Variants in SCTR observed in about 807,000 individuals in gnomAD.
SCTR encodes the protein secretin receptor.
In SCTR, 56 loss-of-function variants were observed where a neutral mutation model predicts 60.8. That is an observed-to-expected ratio of 0.92 (90% CI 0.74 to 1.15). The LOEUF (loss-of-function observed/expected upper bound fraction) is 1.15, where lower values mean the gene tolerates loss of function less well. Among genes scored for constraint, SCTR ranks in the 50% most tolerant of loss-of-function variants. The pLI is 0.00. For missense variants in SCTR, 562 were observed against 550.4 expected, an observed-to-expected ratio of 1.02 and a Z score of -0.21; for synonymous variants, 202 against 217.0, an observed-to-expected ratio of 0.93 and a Z score of 0.61.
chr2:119,514,750 T>C (rs999240143), intron 1 of SCTR, among the ~76,000 whole-genome samples: 5 of 152,074 alleles, frequency 3.3e-5, no homozygotes, highest in African/African-American at 1.2e-4. Flanking sequence ...TGGTGGCGCA[T>C]GCCTGTAATC....
chr2:119,456,266 G>A (rs1244532548), intron 7 of SCTR, among the ~76,000 whole-genome samples: 6 of 151,882 alleles, frequency 4.0e-5, no homozygotes, highest in Admixed American at 3.9e-4. Flanking sequence ...CAACACGTTG[G>A]CCAGGATGGT....
intron 7 of SCTR, among the ~76,000 whole-genome samples, chr2:119,456,338 G>A (rs1306021249): frequency 6.6e-6 from 1 of 152,092 alleles, no homozygotes; most frequent in Non-Finnish European, 1.5e-5. Flanking sequence ...GGGATTACAG[G>A]TGTGAGCCAC....
chr2:119,519,851 G>GAA (rs71297142), intron 1 of SCTR, among the ~76,000 whole-genome samples: 10 of 131,096 alleles, frequency 7.6e-5, no homozygotes, highest in African/African-American at 5.6e-5. Flanking sequence ...GAAAAACAAA[G>GAA]AAAAAAAAAA....
intron 11 of SCTR, among the ~76,000 whole-genome samples, chr2:119,445,973 T>G (rs370707785): frequency 1.3e-5 from 2 of 152,332 alleles, no homozygotes; most frequent in South Asian, 2.1e-4. Flanking sequence ...TGCATTATTT[T>G]TGGAAGGAAA....
At chr2:119,451,321 G>C (rs536589497) in intron 9 of SCTR, among the ~76,000 whole-genome samples, 1 of 152,304 alleles carries the variant, frequency 6.6e-6, no homozygotes, top group Non-Finnish European at 1.5e-5. Flanking sequence ...CATACCCATG[G>C]GCTGGGCTAC....
chr2:119,460,131 G>T (rs1217615892), intron 7 of SCTR, among the ~76,000 whole-genome samples: 3 of 151,432 alleles, frequency 2.0e-5, no homozygotes. Flanking sequence ...AGCAAGCTCT[G>T]CCAGCTCAGG....
chr2:119,473,885 T>A (rs571685023), intron 3 of SCTR, among the ~76,000 whole-genome samples: 1 of 152,286 alleles, frequency 6.6e-6, no homozygotes, highest in Non-Finnish European at 1.5e-5. Flanking sequence ...GGCTGCCCAG[T>A]ACCTGGCCAC....
intron 1 of SCTR, among the ~76,000 whole-genome samples, chr2:119,502,113 G>T (rs1396253983): frequency 4.6e-5 from 7 of 152,046 alleles, no homozygotes; most frequent in Non-Finnish European, 8.8e-5. Flanking sequence ...AAAATTAGTT[G>T]GGTGTGGTGT....
At position 119,494,183 on chromosome 2, in the gene SCTR, T is replaced by C. The variant is rs890275258; in HGVS notation, c.193+245A>G. On this transcript the variant is annotated intron_variant, in intron 2 of 12. Transcript: ENST00000019103. ...CAAGTCAGCATGCAGAAGCTGATGA[T>C]AGGAAAACACCGGCTATGTTTACTT... Among the ~76,000 whole-genome samples, 8 of 152,194 alleles carry C rather than the reference T, an allele frequency of 5.3e-5. No individual in the cohort carries two copies. In the South Asian group the frequency reaches 8.3e-4, roughly 16 times the overall value.
At position 119,441,627 on chromosome 2, in the gene SCTR, T is replaced by C. The variant is rs550878361; in HGVS notation, c.1141-28A>G. ...GCCAGAAGAAGAGAGGTAGCAGGGT[T>C]AGCACAGGTGCTCAGCATGCGGCCT... On this transcript the variant is annotated intron_variant, in intron 11 of 12. Coordinates refer to ENST00000019103, the MANE Select transcript of SCTR (RefSeq NM_002980.3). 4 of 1,609,858 alleles carry C rather than the reference T, an allele frequency of 2.5e-6. No individual in the cohort carries two copies. In the South Asian group the frequency reaches 4.4e-5, roughly 18 times the overall value.
At chr2:119,491,861 G>A (rs1678145674) in intron 2 of SCTR, among the ~76,000 whole-genome samples, 1 of 152,278 alleles carries the variant, frequency 6.6e-6, no homozygotes, top group South Asian at 2.1e-4. Context: ...CTGAGTCATG[G>A]GGACAATGGC....
intron 7 of SCTR, among the ~76,000 whole-genome samples, chr2:119,457,005 T>C (rs1199464163): frequency 6.6e-6 from 1 of 152,218 alleles, no homozygotes; most frequent in Non-Finnish European, 1.5e-5. Flanking sequence ...GCCAACGCGT[T>C]GATTTCAGAC....
intron 1 of SCTR, among the ~76,000 whole-genome samples, chr2:119,521,918 G>A (rs1288462304): frequency 7.2e-5 from 11 of 152,170 alleles, no homozygotes; most frequent in Admixed American, 5.9e-4. Flanking sequence ...AAGGTCTACA[G>A]AAGCCGTAAA....
chr2:119,452,995 T>C (rs1296074900), intron 8 of SCTR, among the ~76,000 whole-genome samples: 1 of 152,156 alleles, frequency 6.6e-6, no homozygotes, highest in Non-Finnish European at 1.5e-5. Flanking sequence ...GTTTCTTCCA[T>C]GGAGCAACAC....
chr2:119,446,448 C>A (rs945293122), intron 11 of SCTR, among the ~76,000 whole-genome samples: 1 of 152,160 alleles, frequency 6.6e-6, no homozygotes, highest in African/African-American at 2.4e-5. Context: ...TGGCCATCCG[C>A]GCTTACGTTA....
Position 119,473,512 on chromosome 2 carries a change from A to T in SCTR, c.346T>A (p.Phe116Ile), listed in dbSNP as rs748655071. The change falls in exon 4 of 13, where the codon TTC becomes ATC. Residue 116 changes from phenylalanine (F) to isoleucine (I), a missense_variant. Transcript: ENST00000019103. ...NCTQDGWSET[F>I]PRPNLACGVN... is the part of the protein sequence containing the mutation. ...CCACAGGCCAGATTAGGCCTGGGGA[A>T]GGTTTCTGACCAGCCATCCTGTGTG... The T allele has an allele frequency of 2.5e-6, 4 of 1,614,090 alleles. No individual in the cohort carries two copies. The Admixed American group carries it at 6.7e-5, about 27-fold the overall frequency.
intron 1 of SCTR, among the ~76,000 whole-genome samples, chr2:119,513,626 A>T (rs1348758578): frequency 1.3e-5 from 2 of 152,218 alleles, no homozygotes; most frequent in Non-Finnish European, 2.9e-5. Context: ...TTAGACCACA[A>T]ACGTTTTGTA....
chr2:119,452,845 G>A (rs142205157), intron 8 of SCTR, among the ~76,000 whole-genome samples: 4 of 152,156 alleles, frequency 2.6e-5, no homozygotes, highest in East Asian at 1.9e-4. Flanking sequence ...TCCCAGGTGC[G>A]TCCCCTGGGC....
intron 1 of SCTR, among the ~76,000 whole-genome samples, chr2:119,499,585 C>G (rs1429725917): frequency 6.6e-6 from 1 of 151,968 alleles, no homozygotes; most frequent in South Asian, 2.1e-4. Context: ...TCTCCAAACA[C>G]TTGGAAATGA....
Sources: allele counts gnomAD v4.1 joint callset (sites outside exome capture counted in the v4.1 genomes callset), GRCh38; gene constraint gnomAD v4.1.1; transcripts MANE v1.5; gene names NCBI Gene and HGNC (gene_info 2026-07-23, HGNC 2026-07-21).